ABCC9: variants seen among roughly 807,000 people sequenced by gnomAD.
The protein encoded by ABCC9 is ATP-binding cassette sub-family C member 9.
A neutral mutation model predicts 188.3 loss-of-function variants in ABCC9; 95 were observed. The observed-to-expected ratio is 0.50, with a 90% CI of 0.43 to 0.60. The LOEUF (loss-of-function observed/expected upper bound fraction) is 0.60, where lower values mean the gene tolerates loss of function less well. ABCC9 is among the 20% of genes least tolerant of loss of function. The pLI is 0.00. For missense variants in ABCC9, 1,102 were observed against 1,876.3 expected (o/e 0.59, Z 7.62); for synonymous variants, 659 against 652.7 (o/e 1.01, Z -0.15).
At chr12:21,858,095 T>G (rs576200336) in intron 22 of ABCC9, among the ~76,000 whole-genome samples, 1 of 152,264 alleles carries the variant, frequency 6.6e-6, no homozygotes, top group Admixed American at 6.5e-5. Flanking sequence ...ATTTCCATGA[T>G]TCTACAATTG....
chr12:21,827,845 G>T (rs1417496693), intron 31 of ABCC9, among the ~76,000 whole-genome samples: 1 of 152,174 alleles, frequency 6.6e-6, no homozygotes, highest in Non-Finnish European at 1.5e-5. Flanking sequence ...GACTAATATA[G>T]TTGAGGAGAA....
intron 5 of ABCC9, among the ~76,000 whole-genome samples, chr12:21,921,815 T>G (rs1245021821): frequency 6.6e-6 from 1 of 152,060 alleles, no homozygotes; most frequent in Admixed American, 6.6e-5. Context: ...CCAGAACCAT[T>G]TATTGAAGTG....
chr12:21,926,215 A>G, intron 4 of ABCC9, 152 bp from the exon 5 acceptor site: 1 of 1,113,348 alleles, frequency 9.0e-7, no homozygotes, highest in Non-Finnish European at 1.3e-6. Flanking sequence ...ATAAGGGAAG[A>G]ATATATTGAA....
intron 8 of ABCC9, among the ~76,000 whole-genome samples, 165 bp downstream of exon 8, chr12:21,912,707 A>AT (rs1187711712): frequency 1.3e-5 from 2 of 151,868 alleles, no homozygotes; most frequent in South Asian, 2.1e-4. Context: ...TAAACACGTG[A>AT]TTTTTTTCTA....
Position 21,814,651 on chromosome 12 carries a change from T to C in ABCC9, c.4095A>G (p.Ile1365Met), listed in dbSNP as rs766810801. 1 of 1,613,898 alleles carries C rather than the reference T, an allele frequency of 6.2e-7. No individual in the cohort carries two copies. The highest frequency in any genetic ancestry group is 8.5e-7 in the Non-Finnish European group (1 of 1,179,896). The change falls in exon 35 of 40, where the codon ATA (isoleucine) becomes ATG (methionine). Residue 1365 changes from isoleucine to methionine, a missense_variant. Ile to Met is a conservative substitution (Grantham distance 10). This residue lies in a region of ABCC9 where 67 missense variants were observed against 101.0 expected (regional missense o/e 0.66). Transcript: ENST00000261200. The stretch of plus-strand genomic sequence containing the variant: ...ATTTAGTTAGCAACTCACCATCAAA[T>C]ATATCAACCATTCTGAAGAAAGCCA... The part of the protein sequence containing the change: ...LSLAFFRMVD[I>M]FDGKIVIDGI...
rs562374592 is a variant in ABCC9 at position 21,899,770 on chromosome 12, C to T, written c.1619-4455G>A. Among the ~76,000 whole-genome samples, 12 of 152,288 alleles carry T rather than the reference C, an allele frequency of 7.9e-5. No homozygotes were observed. In the East Asian group the frequency reaches 1.7e-3, roughly 22 times the overall value. On this transcript the variant is annotated intron_variant, in intron 12 of 39. Transcript: ENST00000261200. Reference sequence around the variant, plus strand: ...TGGCAGCGAGGCTGGGGGAGGGGCACCCGCCATTGCTGAGGCTTGAGTAGG... The same window carrying T: ...TGGCAGCGAGGCTGGGGGAGGGGCATCCGCCATTGCTGAGGCTTGAGTAGG...
At chr12:21,894,263 A>G (rs1322148534) in intron 13 of ABCC9, 89 bp from the exon 14 acceptor site, 2 of 1,379,200 alleles carry the variant, frequency 1.5e-6, no homozygotes, top group Admixed American at 1.7e-5. Flanking sequence ...ATATTCTGCT[A>G]TGCCAGTATG....
At chr12:21,867,822 GAAA>G (rs11373840) in intron 18 of ABCC9, among the ~76,000 whole-genome samples, 5 of 137,902 alleles carry the variant, frequency 3.6e-5, no homozygotes, top group Admixed American at 2.9e-4. Flanking sequence ...AGAGGGAAAA[GAAA>G]AAAAAAAAAA....
chr12:21,939,223 T>C (rs1949603785), intron 2 of ABCC9, among the ~76,000 whole-genome samples: 1 of 152,194 alleles, frequency 6.6e-6, no homozygotes, highest in South Asian at 2.1e-4. Context: ...CGGCCGGCTC[T>C]GAACCTGTGC....
At chr12:21,861,175 C>A in intron 20 of ABCC9, 120 bp from the exon 21 acceptor site, 1 of 783,184 alleles carries the variant, frequency 1.3e-6, no homozygotes, top group South Asian at 1.4e-5. Flanking sequence ...TTATTATATG[C>A]CAGCCTCTGC....
At chr12:21,877,079 C>G (rs1052022150) in intron 16 of ABCC9, among the ~76,000 whole-genome samples, 28 of 152,146 alleles carry the variant, frequency 1.8e-4, no homozygotes, top group African/African-American at 6.8e-4. Context: ...GTAAATATGG[C>G]TGATCATCCT....
chr12:21,884,558 T>C (rs1485222468), intron 15 of ABCC9, among the ~76,000 whole-genome samples: 1 of 152,210 alleles, frequency 6.6e-6, no homozygotes, highest in African/African-American at 2.4e-5. Context: ...GGTTTTACTA[T>C]GGGAATTAGG....
intron 5 of ABCC9, chr12:21,923,034 C>A: frequency 6.8e-6 from 1 of 146,296 alleles, no homozygotes; most frequent in African/African-American, 2.5e-5. Context: ...TCTTGAGAAA[C>A]AGAAAGTCTA....
intron 24 of ABCC9, among the ~76,000 whole-genome samples, chr12:21,849,002 G>A (rs191743363): frequency 8.0e-4 from 122 of 152,218 alleles, no homozygotes; most frequent in Admixed American, 2.5e-3. Context: ...CTGACCTCAG[G>A]ACTGCAGTAG....
intron 5 of ABCC9, chr12:21,922,887 A>G (rs1393312899): frequency 6.6e-6 from 1 of 151,568 alleles, no homozygotes; most frequent in Non-Finnish European, 1.5e-5. Context: ...TATGACTTCA[A>G]GAACTCCAAA....
intron 12 of ABCC9, among the ~76,000 whole-genome samples, chr12:21,902,994 G>T (rs1431802621): frequency 6.6e-6 from 1 of 152,116 alleles, no homozygotes; most frequent in African/African-American, 2.4e-5. Flanking sequence ...ACACAAAAAA[G>T]AGAATTTTAG....
At chr12:21,812,201 A>G (rs1942289210) in intron 35 of ABCC9, 44 bp from the exon 36 acceptor site, 1 of 1,296,012 alleles carries the variant, frequency 7.7e-7, no homozygotes, top group East Asian at 2.3e-5. Context: ...GTAAAATCAC[A>G]AGTAAAATAA....
chr12:21,901,354 C>T (rs1947740342), intron 12 of ABCC9, among the ~76,000 whole-genome samples: 1 of 152,128 alleles, frequency 6.6e-6, no homozygotes, highest in Non-Finnish European at 1.5e-5. Flanking sequence ...AAAAACATGC[C>T]AAATTTTAAA....
At chr12:21,814,409 A>G (rs1565690366) in intron 35 of ABCC9, among the ~76,000 whole-genome samples, 1 of 152,162 alleles carries the variant, frequency 6.6e-6, no homozygotes, top group Non-Finnish European at 1.5e-5. Context: ...AAGTTTATTA[A>G]AATGCTTTAG....
Sources: gnomAD v4.1 joint callset for allele counts (sites outside exome capture counted in the v4.1 genomes callset) on GRCh38, gnomAD v4.1.1 for gene constraint, gnomAD v4.1.1 regional missense constraint, MANE v1.5 for transcripts, NCBI Gene and HGNC (gene_info 2026-07-23, HGNC 2026-07-21) for gene names.